PLEKHG1: variants seen among roughly 807,000 people sequenced by gnomAD.
The protein encoded by PLEKHG1 is pleckstrin homology and RhoGEF domain containing G1, also known as pleckstrin homology domain-containing family G member 1.
In PLEKHG1, 44 loss-of-function variants were observed where a neutral mutation model predicts 100.8. That is an observed-to-expected ratio of 0.44 (90% CI 0.34 to 0.56). The LOEUF (loss-of-function observed/expected upper bound fraction) is 0.56, where lower values mean the gene tolerates loss of function less well. Ranked by LOEUF, PLEKHG1 falls within the 20% of genes least tolerant of loss-of-function variation. PLEKHG1 has a pLI of 0.01. For missense variants in PLEKHG1, 1,545 were observed against 1,720.9 expected (o/e 0.90, Z 1.81); for synonymous variants, 640 against 662.5 (o/e 0.97, Z 0.52).
At chr6:150,823,799 G>T in intron 14 of PLEKHG1, 123 bp downstream of exon 15, 1 of 696,332 alleles carries the variant, frequency 1.4e-6, no homozygotes. Flanking sequence ...TTACATTTTG[G>T]AAATATGGTA....
rs775061541 is a variant in PLEKHG1 at position 150,821,190 on chromosome 6, C to G, written c.1409-5C>G. ...CAATGATGCTGGCTTTGTTTTGTCTCCCAGAACCTTCCTCACGGTCACATA... is the reference window on the plus strand; with the variant it reads ...CAATGATGCTGGCTTTGTTTTGTCTGCCAGAACCTTCCTCACGGTCACATA... On this transcript the variant is annotated splice_polypyrimidine_tract_variant and splice_region_variant and intron_variant, in intron 12 of 15. Transcript: ENST00000358517. 1.3e-6 allele frequency: 2 copies of G among 1,599,550 alleles called. No homozygotes were observed. Among genetic ancestry groups the G allele is most frequent in the South Asian group, 2.2e-5 (2 of 91,000 alleles).
chr6:150,752,997 A>G (rs572880252), intron 2 of PLEKHG1, among the ~76,000 whole-genome samples: 89 of 152,128 alleles, frequency 5.9e-4, no homozygotes, highest in Non-Finnish European at 1.1e-3. Context: ...CCTGTAGTCC[A>G]AGCTACTTGG....
intron 1 of PLEKHG1, among the ~76,000 whole-genome samples, chr6:150,722,587 T>C (rs1781756194): frequency 6.6e-6 from 1 of 152,026 alleles, no homozygotes; most frequent in East Asian, 1.9e-4. Context: ...CTCCTGACCT[T>C]GTGATCCGCC....
chr6:150,790,134 C>T (rs1785884527), intron 4 of PLEKHG1, among the ~76,000 whole-genome samples: 1 of 152,162 alleles, frequency 6.6e-6, no homozygotes. Context: ...AATTCTCCTG[C>T]CTCCGCCCCC....
chr6:150,741,585 T>G (rs542114077), intron 2 of PLEKHG1, among the ~76,000 whole-genome samples: 6 of 152,350 alleles, frequency 3.9e-5, no homozygotes, highest in Admixed American at 3.9e-4. Context: ...ATTTGCTCAC[T>G]CACTGTCCCA....
chr6:150,688,619 C>T (rs1780231665), intron 3 of PLEKHG1, among the ~76,000 whole-genome samples: 1 of 152,200 alleles, frequency 6.6e-6, no homozygotes, highest in African/African-American at 2.4e-5. Flanking sequence ...AGCCATAAGC[C>T]ACCAAGCCCA....
exon 16 of PLEKHG1, chr6:150,841,814 A>G (rs940406174): frequency 2.0e-5 from 3 of 152,222 alleles, no homozygotes; most frequent in African/African-American, 7.2e-5. Flanking sequence ...AATCAGACAA[A>G]GCACTTTAAA....
At chr6:150,721,514 A>G (rs889049434) in intron 1 of PLEKHG1, among the ~76,000 whole-genome samples, 3 of 152,208 alleles carry the variant, frequency 2.0e-5, no homozygotes, top group Admixed American at 2.0e-4. Context: ...GAGCTGATGT[A>G]TCTGACTCTG....
Position 150,644,334 on chromosome 6 carries a change from G to GTTTTTTTTTTTTTTTTTTTTTTTTT in PLEKHG1, c.-158+6227_-158+6228insTTTTTTTTTTTTTTTTTTTTTTTTT, listed in dbSNP as rs57840463. On this transcript the variant is annotated intron_variant, in intron 2 of 3. Coordinates refer to the PLEKHG1 transcript ENST00000367326. Reference sequence around the variant, plus strand: ...AAGAGAGTGGTTTTTTTCTTTTCGTGTTTTTTTTTTTTTTTTTTGTTACAG... The same window carrying GTTTTTTTTTTTTTTTTTTTTTTTTT: ...AAGAGAGTGGTTTTTTTCTTTTCGTGTTTTTTTTTTTTTTTTTTTTTTTTTTTTTTTTTTTTTTTTTTTGTTACAG... Among the ~76,000 whole-genome samples, 86 of 117,582 alleles carry GTTTTTTTTTTTTTTTTTTTTTTTTT rather than the reference G, an allele frequency of 7.3e-4. 7 individuals carry two copies. Among genetic ancestry groups the GTTTTTTTTTTTTTTTTTTTTTTTTT allele is most frequent in the African/African-American group, 2.3e-3 (67 of 28,612 alleles). 77.1% of individuals were successfully genotyped at this position (117,582 alleles called of 152,430 possible). A position where few individuals can be genotyped will look rare whatever the true frequency, so the allele number is the denominator to read the frequency against.
intron 15 of PLEKHG1, 57 bp downstream of exon 16, chr6:150,832,262 G>C: frequency 7.2e-7 from 1 of 1,388,332 alleles, no homozygotes; most frequent in Non-Finnish European, 9.7e-7. Context: ...GCGGTTTTCA[G>C]ATTTCAGATG....
intron 10 of PLEKHG1, among the ~76,000 whole-genome samples, chr6:150,812,261 C>T (rs1247864717): frequency 6.6e-6 from 1 of 152,072 alleles, no homozygotes; most frequent in Non-Finnish European, 1.5e-5. Context: ...GTAATTGAAG[C>T]CCTAAGGTTT....
intron 2 of PLEKHG1, among the ~76,000 whole-genome samples, chr6:150,749,929 G>C (rs1028869055): frequency 1.4e-4 from 21 of 151,914 alleles, no homozygotes; most frequent in African/African-American, 5.1e-4. Flanking sequence ...AAAATGAGCC[G>C]GGCATGGTGG....
intron 3 of PLEKHG1, among the ~76,000 whole-genome samples, chr6:150,682,132 T>C (rs1779956716): frequency 6.6e-6 from 1 of 152,174 alleles, no homozygotes; most frequent in South Asian, 2.1e-4. Flanking sequence ...ATGCAGCCTC[T>C]GTGCATGGTG....
intron 2 of PLEKHG1, among the ~76,000 whole-genome samples, chr6:150,644,334 G>GTTTTTTTTTTTTTT (rs57840463): frequency 0.053 from 6,266 of 117,124 alleles, 382 homozygotes; most frequent in Non-Finnish European, 0.065. Context: ...TTCTTTTCGT[G>GTTTTTTTTTTTTTT]TTTTTTTTTT....
chr6:150,759,635 G>A (rs746868002), intron 2 of PLEKHG1, among the ~76,000 whole-genome samples: 17 of 152,198 alleles, frequency 1.1e-4, no homozygotes, highest in Middle Eastern at 3.4e-3. Context: ...CGTCTCCTAG[G>A]GTTGCGGTGA....
intron 3 of PLEKHG1, among the ~76,000 whole-genome samples, chr6:150,707,260 T>C (rs2128602633): frequency 6.6e-6 from 1 of 152,206 alleles, no homozygotes; most frequent in African/African-American, 2.4e-5. Flanking sequence ...TACCTCAGCC[T>C]CCCAAAGTGC....
chr6:150,803,302 C>T (rs1213693957), intron 6 of PLEKHG1, among the ~76,000 whole-genome samples: 1 of 152,194 alleles, frequency 6.6e-6, no homozygotes, highest in Non-Finnish European at 1.5e-5. Context: ...ATAAATGTCA[C>T]AAGAACCATC....
In PLEKHG1 at chr6:150,821,119, T is replaced by TA; in HGVS notation, c.1409-74dup. The TA allele has an allele frequency of 3.4e-6, 4 of 1,166,228 alleles. No individual in the cohort carries two copies. In the South Asian group the frequency reaches 5.0e-5, roughly 15 times the overall value. The allele number at this position is 1,166,228 out of a possible 1,614,324, so 72.2% of individuals were successfully genotyped here. On this transcript the variant is annotated intron_variant, in intron 12 of 15. Transcript: ENST00000358517. ...CTCTGTTAATCTGTCAATAGGCTCATAATCCTCTTATAAAGAATAAAGAAA... is the reference window on the plus strand; with the variant it reads ...CTCTGTTAATCTGTCAATAGGCTCATAAATCCTCTTATAAAGAATAAAGAAA...
At chr6:150,617,649 A>G (rs1194742444) in intron 1 of PLEKHG1, among the ~76,000 whole-genome samples, 1 of 152,200 alleles carries the variant, frequency 6.6e-6, no homozygotes, top group African/African-American at 2.4e-5. Flanking sequence ...GCTGCCGAAG[A>G]AAGTTGAGAA....
Sources: gnomAD v4.1 joint callset for allele counts (sites outside exome capture counted in the v4.1 genomes callset) on GRCh38, gnomAD v4.1.1 for gene constraint, MANE v1.5 for transcripts, NCBI Gene and HGNC (gene_info 2026-07-23, HGNC 2026-07-21) for gene names.